Variants in ARHGAP12 observed in about 807,000 individuals in gnomAD.
ARHGAP12 encodes the protein Rho GTPase activating protein 12.
ARHGAP12 carries 64 observed loss-of-function variants against 108.6 expected under a neutral mutation model. The ratio of observed to expected loss-of-function variants is 0.59; its 90% CI spans 0.48 to 0.73. The LOEUF is 0.73. Ranked by LOEUF, ARHGAP12 falls within the 30% of genes least tolerant of loss-of-function variation. ARHGAP12 has a pLI of 0.00. For missense variants in ARHGAP12, 940 were observed against 1,005.9 expected, an observed-to-expected ratio of 0.93 and a Z score of 0.89; for synonymous variants, 312 against 337.2, an observed-to-expected ratio of 0.93 and a Z score of 0.82.
At position 31,805,715 on chromosome 10, in the gene ARHGAP12, T is replaced by G. The variant is rs1442457980; in HGVS notation, c.*1943A>C. ...CTTGAAACAAGAAACACAGGACAAT[T>G]TTAATCTTTGATATATGTTCATGAA... On this transcript the variant is annotated 3_prime_UTR_variant, in exon 20 of 20. Transcript: ENST00000344936. 4 of 150,230 alleles carry G rather than the reference T, an allele frequency of 2.7e-5. No individual in the cohort carries two copies. Among genetic ancestry groups the G allele is most frequent in the Admixed American group, 2.6e-4 (4 of 15,124 alleles). 9.3% of individuals were successfully genotyped at this position (150,230 alleles called of 1,614,324 possible).
At chr10:31,870,577 T>C (rs1344865152) in intron 3 of ARHGAP12, among the ~76,000 whole-genome samples, 1 of 152,164 alleles carries the variant, frequency 6.6e-6, no homozygotes. Flanking sequence ...ATTATAACAT[T>C]GGGCCAGTTA....
intron 19 of ARHGAP12, chr10:31,808,441 T>C: frequency 2.2e-6 from 1 of 451,150 alleles, no homozygotes. Context: ...ATACTTCACA[T>C]ATAATACCTA....
chr10:31,833,453 TC>T (rs1310679809), intron 9 of ARHGAP12, among the ~76,000 whole-genome samples: 1 of 151,714 alleles, frequency 6.6e-6, no homozygotes, highest in African/African-American at 2.4e-5. Flanking sequence ...AGAGTCTAGA[TC>T]AGGGATTCTC....
intron 11 of ARHGAP12, among the ~76,000 whole-genome samples, chr10:31,823,382 G>A (rs1835485824): frequency 6.6e-6 from 1 of 151,610 alleles, no homozygotes; most frequent in Admixed American, 6.6e-5. Context: ...ATTTTTGGAT[G>A]AGACAGCACC....
intron 5 of ARHGAP12, 117 bp from the exon 6 acceptor site, chr10:31,852,714 T>C (rs983464481): frequency 5.0e-6 from 3 of 596,098 alleles, no homozygotes; most frequent in African/African-American, 2.0e-5. Flanking sequence ...ATCAAGAACA[T>C]TGCAACAAAA....
At chr10:31,825,687 T>C (rs1835578724) in intron 11 of ARHGAP12, among the ~76,000 whole-genome samples, 2 of 152,178 alleles carry the variant, frequency 1.3e-5, no homozygotes, top group African/African-American at 2.4e-5. Flanking sequence ...ACAACATATG[T>C]GGGATACAGA....
chr10:31,809,240 T>C lies in ARHGAP12; in HGVS notation c.2118A>G (p.Ala706=). ...NLAVIQKLRF[A]VNHDEKLDLN... is the part of the protein sequence containing the mutation. ...TAAATATAATCTTACCATGATTGAC[T>C]GCAAACCTTAGTTTCTGGATCACTG... The change falls in exon 17 of 20, where the codon GCA becomes GCG. Residue 706 remains alanine (A), a synonymous_variant. Coordinates refer to ENST00000344936, the MANE Select transcript of ARHGAP12 (RefSeq NM_018287.7). 1 of 1,613,966 alleles carries C rather than the reference T, an allele frequency of 6.2e-7. No individual in the cohort carries two copies. The highest frequency in any genetic ancestry group is 1.1e-5 in the South Asian group (1 of 91,080).
At chr10:31,914,653 G>T (rs1484411236) in intron 1 of ARHGAP12, among the ~76,000 whole-genome samples, 1 of 152,180 alleles carries the variant, frequency 6.6e-6, no homozygotes, top group African/African-American at 2.4e-5. Flanking sequence ...AAGCTGGCGA[G>T]AATGTGGAGA....
intron 3 of ARHGAP12, among the ~76,000 whole-genome samples, chr10:31,872,169 T>C (rs1178801882): frequency 6.6e-6 from 1 of 152,176 alleles, no homozygotes; most frequent in Non-Finnish European, 1.5e-5. Flanking sequence ...TGAGTGAAAA[T>C]TATTTTTATA....
chr10:31,851,201 AAT>A (rs1249052801), intron 6 of ARHGAP12, among the ~76,000 whole-genome samples: 3 of 152,186 alleles, frequency 2.0e-5, no homozygotes, highest in Non-Finnish European at 4.4e-5. Context: ...TGTAAATTTT[AAT>A]ATGACTCCGT....
rs75079394 is a variant in ARHGAP12, at chr10:31,890,335, T to C, written c.684+17837A>G. On this transcript the variant is annotated intron_variant, in intron 3 of 19. Coordinates refer to ENST00000344936, the MANE Select transcript of ARHGAP12 (RefSeq NM_018287.7). ...TAATTCCAACCTACAAATAGGTTGC[T>C]TTCTAAGATGATTGGAACTTCAAGC... Among the ~76,000 whole-genome samples the C allele has an allele frequency of 4.9e-3, 752 of 152,310 alleles. 3 individuals are homozygous for C. The highest frequency in any genetic ancestry group is 0.015 in the East Asian group (80 of 5,188).
chr10:31,876,869 A>C (rs1465352510), intron 3 of ARHGAP12, among the ~76,000 whole-genome samples: 1 of 152,192 alleles, frequency 6.6e-6, no homozygotes, highest in Non-Finnish European at 1.5e-5. Flanking sequence ...TACAACCCCT[A>C]CTCCCAAACT....
At position 31,850,499 on chromosome 10, in the gene ARHGAP12, A is replaced by G. The variant is rs181791744; in HGVS notation, c.1170+2018T>C. On this transcript the variant is annotated intron_variant, in intron 6 of 19. Coordinates refer to ENST00000344936, the MANE Select transcript of ARHGAP12 (RefSeq NM_018287.7). ...CATGATCCATAAAATCATTCTTTCT[A>G]AATTAATCACTAAATTTTTTTTATA... 4.6e-5 allele frequency among the ~76,000 whole-genome samples: 7 copies of G among 152,280 alleles called. No homozygotes were observed. In the East Asian group the frequency reaches 1.3e-3, roughly 29 times the overall value.
chr10:31,858,745 T>C (rs553333650), intron 4 of ARHGAP12, among the ~76,000 whole-genome samples: 175 of 152,174 alleles, frequency 1.1e-3, no homozygotes, highest in African/African-American at 4.0e-3. Context: ...CAACAGTTGC[T>C]CCCTCTCAAA....
chr10:31,896,295 C>CT (rs1293661516), intron 3 of ARHGAP12, among the ~76,000 whole-genome samples: 1 of 139,206 alleles, frequency 7.2e-6, no homozygotes, highest in East Asian at 2.1e-4. Context: ...CATCATTAAA[C>CT]TTTTTTTACT....
chr10:31,812,847 G>A (rs866998106), intron 14 of ARHGAP12, 24 bp from the exon 15 acceptor site: 3 of 1,370,048 alleles, frequency 2.2e-6, no homozygotes, highest in African/African-American at 1.5e-5. Context: ...GACAGGTAAT[G>A]AGCATTTGTA....
chr10:31,866,951 G>C (rs1837349808), intron 3 of ARHGAP12, among the ~76,000 whole-genome samples: 1 of 152,012 alleles, frequency 6.6e-6, no homozygotes, highest in Admixed American at 6.5e-5. Flanking sequence ...ATCTAAAGTT[G>C]GATGGCATTC....
chr10:31,836,682 C>T (rs867052051), intron 9 of ARHGAP12, among the ~76,000 whole-genome samples: 19 of 152,120 alleles, frequency 1.2e-4, no homozygotes, highest in African/African-American at 4.1e-4. Flanking sequence ...GATTTTAACT[C>T]GCAAAGAAAG....
intron 3 of ARHGAP12, among the ~76,000 whole-genome samples, chr10:31,888,547 G>C (rs949561373): frequency 6.6e-6 from 1 of 152,154 alleles, no homozygotes; most frequent in Admixed American, 6.5e-5. Context: ...GATTGAAGAG[G>C]TAAAAAGAAT....
Sources: gnomAD v4.1 joint callset for allele counts (sites outside exome capture counted in the v4.1 genomes callset) on GRCh38, gnomAD v4.1.1 for gene constraint, MANE v1.5 for transcripts, NCBI Gene and HGNC (gene_info 2026-07-23, HGNC 2026-07-21) for gene names.